Variants in OTUD7B observed in about 807,000 individuals in gnomAD.
The protein encoded by OTUD7B is OTU domain-containing protein 7B.
OTUD7B carries 34 observed loss-of-function variants against 82.2 expected under a neutral mutation model. That is an observed-to-expected ratio of 0.41 (90% CI 0.31 to 0.55). OTUD7B has a LOEUF of 0.55. Ranked by LOEUF, OTUD7B falls within the 20% of genes least tolerant of loss-of-function variation. The probability of loss-of-function intolerance (pLI) is 0.20; values close to 1 mark genes in which losing one functional copy is unlikely to be tolerated. For synonymous variants in OTUD7B, 398 were observed against 402.7 expected (o/e 0.99, Z 0.14); for missense variants, 944 against 1,062.1 (o/e 0.89, Z 1.55).
At chr1:150,065,256 TACAG>T in the OTUD7B span, among the ~76,000 whole-genome samples, 5 of 152,240 alleles carry the variant, frequency 3.3e-5, no homozygotes, top group East Asian at 5.8e-4. Context: ...TATTTTTTTG[TACAG>T]ACAGAGTTTC....
intron 1 of OTUD7B, among the ~76,000 whole-genome samples, chr1:149,984,273 G>T (rs1248747661): frequency 6.6e-6 from 1 of 152,104 alleles, no homozygotes; most frequent in Non-Finnish European, 1.5e-5. Flanking sequence ...AGCAAGAGGG[G>T]TTCCTTTAGG....
chr1:150,010,121 C>G (rs1460799539), intron 1 of OTUD7B, among the ~76,000 whole-genome samples: 5 of 152,140 alleles, frequency 3.3e-5, no homozygotes, highest in Non-Finnish European at 1.5e-5. Context: ...TCTTAATCAC[C>G]TTAAAACTCC....
At chr1:150,032,781 G>A in the OTUD7B span, among the ~76,000 whole-genome samples, 5 of 152,158 alleles carry the variant, frequency 3.3e-5, no homozygotes, top group African/African-American at 1.2e-4. Context: ...AACAGTAGAT[G>A]TTTCAAACTG....
intron 1 of OTUD7B, among the ~76,000 whole-genome samples, chr1:150,006,282 C>A (rs1460515894): frequency 1.3e-5 from 2 of 152,150 alleles, no homozygotes; most frequent in Admixed American, 6.5e-5. Flanking sequence ...ACGGTGAAAC[C>A]CCGTCTCTAC....
chr1:150,025,840 A>C, the OTUD7B span, among the ~76,000 whole-genome samples: 3 of 152,182 alleles, frequency 2.0e-5, no homozygotes, highest in Non-Finnish European at 4.4e-5. Context: ...ATAAGCCCCC[A>C]CATGAATTAC....
the OTUD7B span, among the ~76,000 whole-genome samples, chr1:150,064,856 A>T: frequency 6.6e-6 from 1 of 152,186 alleles, no homozygotes; most frequent in Non-Finnish European, 1.5e-5. Flanking sequence ...TGAGTTGGCC[A>T]TATTGTTATT....
At chr1:149,967,881 G>T (rs1649622988) in intron 3 of OTUD7B, among the ~76,000 whole-genome samples, 1 of 152,090 alleles carries the variant, frequency 6.6e-6, no homozygotes, top group Non-Finnish European at 1.5e-5. Flanking sequence ...AGGGAATAAG[G>T]GAAGTGAGGT....
chr1:150,064,547 T>G, the OTUD7B span, among the ~76,000 whole-genome samples: 3 of 152,268 alleles, frequency 2.0e-5, no homozygotes, highest in African/African-American at 4.8e-5. Flanking sequence ...TTTTAAATTT[T>G]GTGTAGAGAC....
chr1:150,053,985 A>T, the OTUD7B span: 1 of 373,194 alleles, frequency 2.7e-6, no homozygotes, highest in Middle Eastern at 8.5e-4. Flanking sequence ...AAGAACAGGA[A>T]GCCCCATTGC....
At chr1:149,948,638 G>A (rs933766433) in intron 10 of OTUD7B, among the ~76,000 whole-genome samples, 3 of 152,034 alleles carry the variant, frequency 2.0e-5, no homozygotes, top group African/African-American at 4.8e-5. Flanking sequence ...CCAAAGTGCT[G>A]GAATTACAGG....
intron 7 of OTUD7B, among the ~76,000 whole-genome samples, chr1:149,954,055 T>A (rs888753663): frequency 1.3e-5 from 2 of 152,328 alleles, no homozygotes; most frequent in South Asian, 4.1e-4. Context: ...TCCTGCCTGA[T>A]TGCCCTGGCC....
the OTUD7B span, among the ~76,000 whole-genome samples, chr1:150,023,498 T>C: frequency 3.3e-5 from 5 of 152,156 alleles, no homozygotes; most frequent in Non-Finnish European, 7.3e-5. Flanking sequence ...TGGATGAACC[T>C]GAAGGACATA....
the OTUD7B span, among the ~76,000 whole-genome samples, chr1:150,019,908 G>A: frequency 1.2e-3 from 180 of 151,958 alleles, 1 homozygote; most frequent in African/African-American, 4.2e-3. Flanking sequence ...AAGCTGAAGC[G>A]GGAAGATCAC....
intron 3 of OTUD7B, among the ~76,000 whole-genome samples, chr1:149,968,613 G>A (rs1205571913): frequency 1.3e-5 from 2 of 152,182 alleles, no homozygotes; most frequent in African/African-American, 4.8e-5. Context: ...ATGTTGGGCT[G>A]TTCTTAATAC....
At chr1:149,951,742 T>G (rs1553773503) in intron 7 of OTUD7B, among the ~76,000 whole-genome samples, 1 of 152,178 alleles carries the variant, frequency 6.6e-6, no homozygotes. Flanking sequence ...CCCAGATTAT[T>G]CTTATGTACA....
chr1:150,057,590 T>C, the OTUD7B span, among the ~76,000 whole-genome samples: 3 of 152,230 alleles, frequency 2.0e-5, no homozygotes, highest in Admixed American at 6.5e-5. Flanking sequence ...ATGATGACGA[T>C]ACACAATAAT....
chr1:150,031,101 C>T, the OTUD7B span, among the ~76,000 whole-genome samples: 1 of 151,914 alleles, frequency 6.6e-6, no homozygotes, highest in Non-Finnish European at 1.5e-5. Context: ...ATTTTTATCC[C>T]CTTATCTGAT....
At chr1:150,058,152 C>T in the OTUD7B span, among the ~76,000 whole-genome samples, 3 of 152,170 alleles carry the variant, frequency 2.0e-5, no homozygotes, top group African/African-American at 7.2e-5. Flanking sequence ...ATAATCTTGA[C>T]CCTCTACTGC....
rs1053500855 is a variant in OTUD7B at position 149,944,282 on chromosome 1, C to A, written c.2107G>T (p.Gly703Trp). The A allele has an allele frequency of 3.1e-6, 5 of 1,610,552 alleles. No individual in the cohort carries two copies. The highest frequency in any genetic ancestry group is 4.5e-5 in the East Asian group (2 of 44,856). Residue 703 changes from glycine (G) to tryptophan (W), a missense_variant, in exon 12 of 12, where the codon GGG becomes TGG. This residue lies in a region of OTUD7B where 412 missense variants were observed against 418.7 expected (regional missense o/e 0.98). Coordinates refer to ENST00000581312, the MANE Select transcript of OTUD7B (RefSeq NM_020205.4). ...GGTTCCTGGCAGTGGACTCCGCCCC[C>A]AGACGGCCGAGGGATAGTAAAGTCC... is the stretch of plus-strand genomic sequence containing the variant. ...PGDFTIPRPS[G>W]GGVHCQEPRR...
Sources: allele counts gnomAD v4.1 joint callset (sites outside exome capture counted in the v4.1 genomes callset), GRCh38; gene constraint gnomAD v4.1.1; regional missense constraint gnomAD v4.1.1; transcripts MANE v1.5; gene names NCBI Gene and HGNC (gene_info 2026-07-23, HGNC 2026-07-21).